The following CENPP variants were observed in gnomAD, a reference collection of about 807,000 sequenced individuals.
CENPP encodes centromere protein P.
Under a neutral mutation model 35.6 loss-of-function variants are expected in CENPP, and 24 were observed. The observed-to-expected ratio is 0.67, with a 90% CI of 0.49 to 0.95. The LOEUF is 0.95. Among genes scored for constraint, CENPP ranks in the 40% least tolerant of loss-of-function variants. The pLI is 0.00. For missense variants in CENPP, 332 were observed against 345.3 expected (o/e 0.96, Z 0.31); for synonymous variants, 120 against 125.5 (o/e 0.96, Z 0.29).
At position 92,325,967 on chromosome 9, in the gene CENPP, G is replaced by T. The variant is rs777006675; in HGVS notation, c.-32G>T. 63 of 1,532,278 alleles carry T rather than the reference G, an allele frequency of 4.1e-5. No homozygotes were observed. Among genetic ancestry groups the T allele is most frequent in the Non-Finnish European group, 5.2e-5 (59 of 1,131,574 alleles). The allele number at this position is 1,532,278 out of a possible 1,614,324, so 94.9% of individuals were successfully genotyped here. A position where few individuals can be genotyped will look rare whatever the true frequency, so the allele number is the denominator to read the frequency against. On this transcript the variant is annotated 5_prime_UTR_variant, in exon 1 of 8. Coordinates refer to ENST00000375587, the MANE Select transcript of CENPP (RefSeq NM_001012267.3). ...GCGCGCAGGTCGGAGTGACAGCTGC[G>T]CTGCCGGCCCGGCTGCGGTCAGCAA...
At chr9:92,389,776 C>T in intron 5 of CENPP, 1 of 920,184 alleles carries the variant, frequency 1.1e-6, no homozygotes, top group Admixed American at 2.6e-5. Flanking sequence ...AATCAAAATA[C>T]AATTCTAGAC....
At chr9:92,572,792 T>G (rs1850176926) in intron 5 of CENPP, among the ~76,000 whole-genome samples, 1 of 152,202 alleles carries the variant, frequency 6.6e-6, no homozygotes, top group East Asian at 1.9e-4. Flanking sequence ...TCATTTCTTT[T>G]TATTCTTTTT....
At chr9:92,554,515 C>T (rs546673394) in intron 5 of CENPP, among the ~76,000 whole-genome samples, 29 of 151,702 alleles carry the variant, frequency 1.9e-4, no homozygotes, top group African/African-American at 6.0e-4. Context: ...TGGTGTATCA[C>T]GTTTATTGAC....
chr9:92,502,853 G>C (rs888341156), intron 5 of CENPP, among the ~76,000 whole-genome samples: 3 of 143,812 alleles, frequency 2.1e-5, no homozygotes, highest in African/African-American at 8.0e-5. Flanking sequence ...TGTTACGCAG[G>C]ATGGAGTGCA....
intron 5 of CENPP, among the ~76,000 whole-genome samples, chr9:92,583,162 A>G (rs1850468744): frequency 6.6e-6 from 1 of 152,202 alleles, no homozygotes; most frequent in South Asian, 2.1e-4. Flanking sequence ...GGTCTCATCA[A>G]TTATTATCTG....
intron 5 of CENPP, among the ~76,000 whole-genome samples, chr9:92,429,436 G>A (rs1244996481): frequency 1.3e-5 from 2 of 152,132 alleles, no homozygotes; most frequent in Non-Finnish European, 1.5e-5. Context: ...CACAGAGAAG[G>A]TAAAGAACAA....
chr9:92,367,610 T>TTTTATTTTATTTTA (rs1841918440), intron 4 of CENPP, among the ~76,000 whole-genome samples: 1 of 152,104 alleles, frequency 6.6e-6, no homozygotes, highest in South Asian at 2.1e-4. Context: ...TACAGTAACA[T>TTTTATTTTATTTTA]TTTATTTTAT....
chr9:92,393,206 A>G, intron 5 of CENPP: 1 of 1,610,222 alleles, frequency 6.2e-7, no homozygotes, highest in Non-Finnish European at 8.5e-7. Flanking sequence ...CAGTATACAG[A>G]GCCACTTAAA....
chr9:92,325,978 G>T lies in CENPP; in HGVS notation c.-21G>T. On this transcript the variant is annotated 5_prime_UTR_variant, in exon 1 of 8. Coordinates refer to ENST00000375587, the MANE Select transcript of CENPP (RefSeq NM_001012267.3). Reference sequence around the variant, plus strand: ...GGAGTGACAGCTGCGCTGCCGGCCCGGCTGCGGTCAGCAACGCGCCATGGA... The same window carrying T: ...GGAGTGACAGCTGCGCTGCCGGCCCTGCTGCGGTCAGCAACGCGCCATGGA... The T allele has an allele frequency of 1.3e-6, 2 of 1,544,150 alleles. No individual in the cohort carries two copies. Among genetic ancestry groups the T allele is most frequent in the Non-Finnish European group, 1.8e-6 (2 of 1,141,964 alleles).
At chr9:92,470,923 A>G in intron 5 of CENPP, 1 of 582,890 alleles carries the variant, frequency 1.7e-6, no homozygotes. Flanking sequence ...ATGACAAAAA[A>G]AACATTGTTT....
At chr9:92,415,851 A>G (rs925146865) in intron 5 of CENPP, among the ~76,000 whole-genome samples, 1 of 146,154 alleles carries the variant, frequency 6.8e-6, no homozygotes, top group Non-Finnish European at 1.5e-5. Context: ...ATAAAAAAAT[A>G]TATATATATA....
intron 5 of CENPP, chr9:92,517,923 G>C (rs1421857942): frequency 1.2e-6 from 2 of 1,605,626 alleles, no homozygotes; most frequent in Non-Finnish European, 1.7e-6. Flanking sequence ...GTGATTATCA[G>C]TAACTGTGAA....
At position 92,619,875 on chromosome 9, in the gene CENPP, G is replaced by C; in HGVS notation, c.*6726G>C. 2.6e-6 allele frequency: 1 copy of C among 390,974 alleles called. No homozygotes were observed. The highest frequency in any genetic ancestry group is 2.0e-5 in the African/African-American group (1 of 50,022). 24.2% of individuals were successfully genotyped at this position (390,974 alleles called of 1,614,324 possible). On this transcript the variant is annotated 3_prime_UTR_variant, in exon 8 of 8. Transcript: ENST00000375587. ...TGTCTTCAGCAAGGTCACCACAGTCGGCCTTTGGAAGGAAAAGCAGTAAGC... is the reference window on the plus strand; with the variant it reads ...TGTCTTCAGCAAGGTCACCACAGTCCGCCTTTGGAAGGAAAAGCAGTAAGC...
intron 5 of CENPP, among the ~76,000 whole-genome samples, chr9:92,492,004 C>T (rs1272452503): frequency 1.3e-5 from 2 of 152,194 alleles, no homozygotes; most frequent in African/African-American, 4.8e-5. Flanking sequence ...CTGCTTCCCT[C>T]ACTGATTCAC....
chr9:92,440,383 A>AAATAAATAAATAAATC (rs1336594042), intron 5 of CENPP, among the ~76,000 whole-genome samples: 40 of 151,772 alleles, frequency 2.6e-4, no homozygotes, highest in Middle Eastern at 3.2e-3. Flanking sequence ...ATAAATAAAT[A>AAATAAATAAATAAATC]AATCACAAGA....
At position 92,587,338 on chromosome 9, in the gene CENPP, G is replaced by A. The variant is rs551480242; in HGVS notation, c.565-23976G>A. On this transcript the variant is annotated intron_variant, in intron 5 of 7. Transcript: ENST00000375587. ...TACAAAATTAGCCAGGCATGGTGGC[G>A]TATACCTGTAATCCCAGCTACTGGG... Among the ~76,000 whole-genome samples, 95 of 151,930 alleles carry A rather than the reference G, an allele frequency of 6.3e-4. 1 individual carries two copies. The highest frequency in any genetic ancestry group is 2.5e-4 in the Non-Finnish European group (17 of 67,930).
chr9:92,618,694 C>T lies in CENPP; in HGVS notation c.*5545C>T, dbSNP rs576336638. On this transcript the variant is annotated 3_prime_UTR_variant, in exon 8 of 8. Coordinates refer to ENST00000375587, the MANE Select transcript of CENPP (RefSeq NM_001012267.3). ...AACCTTTTTTCTACTTCAGTTAGCC[C>T]TATAATGTTCCTCAGTATTTCATAT... The T allele has an allele frequency of 7.7e-6, 3 of 389,060 alleles. 1 individual carries two copies. The highest frequency in any genetic ancestry group is 7.2e-5 in the East Asian group (1 of 13,870). The allele number at this position is 389,060 out of a possible 1,614,324, so 24.1% of individuals were successfully genotyped here. A position where few individuals can be genotyped will look rare whatever the true frequency, so the allele number is the denominator to read the frequency against.
intron 5 of CENPP, among the ~76,000 whole-genome samples, chr9:92,506,038 C>T (rs561551925): frequency 6.6e-6 from 1 of 152,140 alleles, no homozygotes; most frequent in South Asian, 2.1e-4. Context: ...GGTGGCTGAA[C>T]AGGGATTTGG....
At chr9:92,347,977 G>A (rs900134183) in intron 4 of CENPP, among the ~76,000 whole-genome samples, 1 of 152,122 alleles carries the variant, frequency 6.6e-6, no homozygotes, top group Non-Finnish European at 1.5e-5. Context: ...AGGCTAGAGT[G>A]GAATGGCATG....
Sources: allele counts gnomAD v4.1 joint callset (sites outside exome capture counted in the v4.1 genomes callset), GRCh38; gene constraint gnomAD v4.1.1; transcripts MANE v1.5; gene names NCBI Gene and HGNC (gene_info 2026-07-23, HGNC 2026-07-21).